The following DMD variants were observed in gnomAD, a reference collection of about 807,000 sequenced individuals.
The protein encoded by DMD is mutant dystrophin.
A neutral mutation model predicts 330.1 loss-of-function variants in DMD; 63 were observed. That is an observed-to-expected ratio of 0.19 (90% CI 0.16 to 0.24). DMD has a LOEUF of 0.24. Ranked by LOEUF, DMD falls within the 10% of genes least tolerant of loss-of-function variation. The pLI, the probability that DMD is intolerant of heterozygous loss-of-function variation, is 1.00. For synonymous variants in DMD, 1,223 were observed against 959.8 expected (o/e 1.27, Z -5.07); for missense variants, 3,344 against 2,684.1 (o/e 1.25, Z -5.43).
chrX:32,572,737 C>G (rs2052570100), intron 15 of DMD, among the ~76,000 whole-genome samples: 1 of 109,987 alleles, frequency 9.1e-6, no homozygotes, highest in Non-Finnish European at 1.9e-5. Context: ...TTGTTTGGAT[C>G]TCTGTTCTCC....
intron 4 of DMD, among the ~76,000 whole-genome samples, chrX:32,831,972 G>A (rs1197471680): frequency 9.1e-6 from 1 of 110,277 alleles, no homozygotes; most frequent in Non-Finnish European, 1.9e-5. Context: ...AGAGCTACAG[G>A]CTCTAATGAA....
rs1286238077 is a variant in DMD at position 31,968,334 on chromosome X, C to T, written c.6614+5G>A. 8.3e-7 allele frequency: 1 copy of T among 1,209,765 alleles called. No homozygotes were observed. The highest frequency in any genetic ancestry group is 1.1e-6 in the Non-Finnish European group (1 of 894,148). On this transcript the variant is annotated splice_donor_5th_base_variant and intron_variant, in intron 45 of 78. Transcript: ENST00000357033. ...TTTTCATTCCTATTAGATCTGTCGC[C>T]CTACCTCTTTTTTCTGTCTGACAGC...
intron 1 of DMD, among the ~76,000 whole-genome samples, chrX:33,025,472 G>A (rs200307578): frequency 3.0e-5 from 3 of 101,296 alleles, no homozygotes; most frequent in Admixed American, 1.1e-4. Flanking sequence ...AAAACTGGGG[G>A]AAAAAAAAAA....
rs189476390 is a variant in DMD, at chrX:33,064,397, A to G, written c.32-44197T>C. Among the ~76,000 whole-genome samples, 65 of 111,340 alleles carry G rather than the reference A, an allele frequency of 5.8e-4. 1 individual carries two copies. The highest frequency in any genetic ancestry group is 2.0e-3 in the African/African-American group (61 of 30,700). Reference sequence around the variant, plus strand: ...TCCTTTAATTGTTACTTCTTTCTCTATCTCACTCTCTTTTGTTTCATCCAA... The same window carrying G: ...TCCTTTAATTGTTACTTCTTTCTCTGTCTCACTCTCTTTTGTTTCATCCAA... On this transcript the variant is annotated intron_variant, in intron 1 of 78. Transcript: ENST00000357033.
chrX:33,280,991 G>A (rs766074765), intron 1 of DMD, among the ~76,000 whole-genome samples: 7 of 111,396 alleles, frequency 6.3e-5, no homozygotes, highest in African/African-American at 9.8e-5. Context: ...TAAAATTTTC[G>A]TAAGAATTGT....
At chrX:32,557,099 T>A (rs1404468566) in intron 16 of DMD, among the ~76,000 whole-genome samples, 1 of 111,470 alleles carries the variant, frequency 9.0e-6, no homozygotes, top group Non-Finnish European at 1.9e-5. Context: ...GACCTCACAA[T>A]GGCCCTAAGA....
intron 7 of DMD, among the ~76,000 whole-genome samples, chrX:32,777,600 A>C (rs2074306565): frequency 9.0e-6 from 1 of 111,473 alleles, no homozygotes; most frequent in Non-Finnish European, 1.9e-5. Flanking sequence ...GCAGTTTTCC[A>C]AAAGAAATCG....
intron 2 of DMD, among the ~76,000 whole-genome samples, chrX:32,901,680 A>G (rs2086257935): frequency 9.0e-6 from 1 of 111,107 alleles, no homozygotes; most frequent in Non-Finnish European, 1.9e-5. Flanking sequence ...CATAAAATGT[A>G]ATATCTGTTG....
intron 61 of DMD, among the ~76,000 whole-genome samples, chrX:31,346,632 A>T (rs1292129715): frequency 9.0e-6 from 1 of 111,267 alleles, no homozygotes; most frequent in East Asian, 2.8e-4. Context: ...AACCAAGGTT[A>T]TTTCTCTTAG....
intron 3 of DMD, among the ~76,000 whole-genome samples, chrX:32,849,042 G>C (rs191597738): frequency 1.3e-4 from 15 of 111,459 alleles, no homozygotes; most frequent in African/African-American, 4.9e-4. Flanking sequence ...GCAAAGATAA[G>C]AGACGAAGGC....
At chrX:32,461,659 T>C (rs758610590) in intron 25 of DMD, among the ~76,000 whole-genome samples, 1 of 110,911 alleles carries the variant, frequency 9.0e-6, no homozygotes, top group Non-Finnish European at 1.9e-5. Flanking sequence ...TATACTTTTT[T>C]TTTTTGGCTG....
intron 7 of DMD, among the ~76,000 whole-genome samples, chrX:32,734,221 T>C (rs1324303856): frequency 9.4e-6 from 1 of 106,356 alleles, no homozygotes. Flanking sequence ...CAGGAAGAAG[T>C]TGAATCTCTG....
At chrX:31,988,159 A>G (rs1334588150) in intron 44 of DMD, among the ~76,000 whole-genome samples, 1 of 110,809 alleles carries the variant, frequency 9.0e-6, no homozygotes, top group Non-Finnish European at 1.9e-5. Context: ...ACAAATATTT[A>G]AAAAGTGACT....
At chrX:32,119,328 TAA>T (rs563310793) in intron 44 of DMD, among the ~76,000 whole-genome samples, 83 of 73,008 alleles carry the variant, frequency 1.1e-3, no homozygotes, top group African/African-American at 2.3e-3. Flanking sequence ...GTGAGACAGT[TAA>T]AAAAAAAAAA....
intron 12 of DMD, among the ~76,000 whole-genome samples, chrX:32,611,595 G>C (rs2057176781): frequency 9.0e-6 from 1 of 111,719 alleles, no homozygotes; most frequent in Non-Finnish European, 1.9e-5. Flanking sequence ...TAAGATCCTG[G>C]ATAGCTTGTC....
intron 1 of DMD, among the ~76,000 whole-genome samples, chrX:33,259,521 A>G (rs1200357340): frequency 1.9e-5 from 2 of 104,096 alleles, no homozygotes; most frequent in African/African-American, 7.1e-5. Context: ...GCAAATGCTC[A>G]TTGGAGCATT....
intron 2 of DMD, among the ~76,000 whole-genome samples, chrX:32,916,291 T>C (rs1027441342): frequency 8.9e-6 from 1 of 111,806 alleles, no homozygotes; most frequent in Non-Finnish European, 1.9e-5. Context: ...TTTGAAAAGA[T>C]GTTTATATTC....
At chrX:33,253,716 G>A (rs1310877279) in intron 1 of DMD, among the ~76,000 whole-genome samples, 1 of 110,956 alleles carries the variant, frequency 9.0e-6, no homozygotes, top group Non-Finnish European at 1.9e-5. Context: ...TTTACAACAG[G>A]TATAAGCGGT....
intron 56 of DMD, among the ~76,000 whole-genome samples, chrX:31,498,293 G>A (rs2070073732): frequency 8.9e-6 from 1 of 111,935 alleles, no homozygotes; most frequent in South Asian, 3.7e-4. Flanking sequence ...CTTGAGAAAT[G>A]CAAAACCCCA....
Sources: allele counts gnomAD v4.1 joint callset (sites outside exome capture counted in the v4.1 genomes callset), GRCh38; gene constraint gnomAD v4.1.1; transcripts MANE v1.5; gene names NCBI Gene and HGNC (gene_info 2026-07-23, HGNC 2026-07-21).